Variants in MCRIP2 observed in about 807,000 individuals in gnomAD.
The protein encoded by MCRIP2 is MAPK regulated co-repressor interacting protein 2.
Under a neutral mutation model 23.2 loss-of-function variants are expected in MCRIP2, and 21 were observed. The ratio of observed to expected loss-of-function variants is 0.90; its 90% confidence interval spans 0.64 to 1.30. The LOEUF (loss-of-function observed/expected upper bound fraction) is 1.30. Ranked by LOEUF, MCRIP2 falls within the 50% of genes most tolerant of loss-of-function variation. MCRIP2 has a pLI of 0.00. For synonymous variants in MCRIP2, 121 were observed against 100.2 expected (o/e 1.21, Z -1.24); for missense variants, 234 against 223.2 (o/e 1.05, Z -0.31).
intron 2 of MCRIP2, chr16:645,283 G>A (rs2037452819): frequency 6.6e-6 from 1 of 151,190 alleles, no homozygotes; most frequent in Middle Eastern, 3.4e-3. Context: ...TTGAGACAGA[G>A]TCTTGCTCTG....
Position 642,267 on chromosome 16 carries a change from C to T in MCRIP2, c.182+18C>T. The T allele has an allele frequency of 8.7e-7, 1 of 1,155,302 alleles. No individual in the cohort carries two copies. The allele number at this position is 1,155,302 out of a possible 1,614,324, so 71.6% of individuals were successfully genotyped here. On this transcript the variant is annotated intron_variant, in intron 2 of 4. Transcript: ENST00000307650. Reference sequence around the variant, plus strand: ...CTGTCGAGGTGAGACGCGCGCGGCCCCGGCCCGGCCCGGCCCGGCTTCCCC... The same window carrying T: ...CTGTCGAGGTGAGACGCGCGCGGCCTCGGCCCGGCCCGGCCCGGCTTCCCC...
In MCRIP2 at chr16:642,241, C is replaced by T; in HGVS notation, c.174C>T (p.Pro58=). 1 of 1,206,526 alleles carries T rather than the reference C, an allele frequency of 8.3e-7. No homozygotes were observed. The highest frequency in any genetic ancestry group is 3.5e-5 in the South Asian group (1 of 28,890). The allele number at this position is 1,206,526 out of a possible 1,614,324, so 74.7% of individuals were successfully genotyped here. A position where few individuals can be genotyped will look rare whatever the true frequency, so the allele number is the denominator to read the frequency against. ...TTGCGCAGCCGCCGGGACCCTGGCC[C>T]CTGTCGAGGTGAGACGCGCGCGGCC... The part of the protein sequence containing the change: ...QPFAQPPGPW[P]LSSPGPRLVF... Residue 58 remains proline, a synonymous_variant, in exon 2 of 5, where the codon CCC becomes CCT. Transcript: ENST00000307650.
At chr16:643,779 G>T (rs566075394) in intron 2 of MCRIP2, among the ~76,000 whole-genome samples, 1 of 152,020 alleles carries the variant, frequency 6.6e-6, no homozygotes, top group South Asian at 2.1e-4. Context: ...TGATCCACCC[G>T]CCTCAGCCCC....
rs957846635 is a variant in MCRIP2 at position 647,808 on chromosome 16, G to A, written c.336G>A (p.Leu112=). 1.9e-6 allele frequency: 3 copies of A among 1,574,468 alleles called. No individual in the cohort carries two copies. The highest frequency in any genetic ancestry group is 2.6e-6 in the Non-Finnish European group (3 of 1,160,812). ...SEAWQQVQQQ[L]DGGPAGEGGP... ...CCTGGCAGCAGGTGCAACAGCAGCT[G>A]GATGGTGGCCCAGCCGGTGAGGGCG... Residue 112 remains leucine (L), a synonymous_variant, in exon 4 of 5, where the codon CTG becomes CTA. Transcript: ENST00000307650.
chr16:643,551 T>G (rs1295607442), intron 2 of MCRIP2, among the ~76,000 whole-genome samples: 1 of 145,926 alleles, frequency 6.9e-6, no homozygotes, highest in Admixed American at 6.7e-5. Context: ...TTTTTTTTTT[T>G]TTTTTTTTTT....
rs1232646614 is a variant in MCRIP2 at position 647,642 on chromosome 16, G to A, written c.310+98G>A. 3 of 1,556,630 alleles carry A rather than the reference G, an allele frequency of 1.9e-6. No individual in the cohort carries two copies. In the African/African-American group the frequency reaches 4.1e-5, roughly 21 times the overall value. On this transcript the variant is annotated intron_variant, in intron 3 of 4. Transcript: ENST00000307650. ...TCAAGCTGACCCACAGCCGCTGCAT[G>A]GCTGTGCTTTTCCTTGGCACTCTGC...
At position 642,227 on chromosome 16, in the gene MCRIP2, C is replaced by T. The variant is rs1288629477; in HGVS notation, c.160C>T (p.Pro54Ser). 2 of 1,242,918 alleles carry T rather than the reference C, an allele frequency of 1.6e-6. No homozygotes were observed. Among genetic ancestry groups the T allele is most frequent in the African/African-American group, 1.6e-5 (1 of 63,154 alleles). The allele number at this position is 1,242,918 out of a possible 1,614,324, so 77.0% of individuals were successfully genotyped here. A position where few individuals can be genotyped will look rare whatever the true frequency, so the allele number is the denominator to read the frequency against. The change falls in exon 2 of 5, where the codon CCG becomes TCG. Residue 54 changes from proline to serine, a missense_variant. Physicochemically the swap from Pro to Ser is moderately conservative, Grantham distance 74. Coordinates refer to ENST00000307650, the MANE Select transcript of MCRIP2 (RefSeq NM_138418.4). ...GCGGGCGCAGCCCTTTGCGCAGCCG[C>T]CGGGACCCTGGCCCCTGTCGAGGTG... ...PPRAQPFAQP[P>S]GPWPLSSPGP...
At position 648,471 on chromosome 16, in the gene MCRIP2, T is replaced by C. The variant is rs1288981193; in HGVS notation, c.*281T>C. 1.2e-5 allele frequency: 6 copies of C among 497,826 alleles called. No individual in the cohort carries two copies. The highest frequency in any genetic ancestry group is 2.2e-5 in the Non-Finnish European group (6 of 276,766). 30.8% of individuals were successfully genotyped at this position (497,826 alleles called of 1,614,324 possible). ...CTCCAGGCTAATAAAGTGGAGAAAC[T>C]GTCTTTTTGGAGTGTCTTTGACTTG... On this transcript the variant is annotated 3_prime_UTR_variant, in exon 5 of 5. Transcript: ENST00000307650.
In MCRIP2 at chr16:642,219, C is replaced by A; in HGVS notation, c.152C>A (p.Ala51Glu). The change falls in exon 2 of 5, where the codon GCG becomes GAG. Residue 51 changes from alanine to glutamate, a missense_variant. Transcript: ENST00000307650. ...CAGCCCCCGCGGGCGCAGCCCTTTGCGCAGCCGCCGGGACCCTGGCCCCTG... is the reference window on the plus strand; with the variant it reads ...CAGCCCCCGCGGGCGCAGCCCTTTGAGCAGCCGCCGGGACCCTGGCCCCTG... Reference protein sequence around the residue: ...TSQPPRAQPFAQPPGPWPLSS... With the variant: ...TSQPPRAQPFEQPPGPWPLSS... 2 of 1,262,164 alleles carry A rather than the reference C, an allele frequency of 1.6e-6. No individual in the cohort carries two copies. The highest frequency in any genetic ancestry group is 2.5e-5 in the South Asian group (1 of 40,416). 78.2% of individuals were successfully genotyped at this position (1,262,164 alleles called of 1,614,324 possible).
chr16:648,349 C>G lies in MCRIP2; in HGVS notation c.*159C>G. On this transcript the variant is annotated 3_prime_UTR_variant, in exon 5 of 5. Coordinates refer to ENST00000307650, the MANE Select transcript of MCRIP2 (RefSeq NM_138418.4). The stretch of plus-strand genomic sequence containing the variant: ...TTTTCCCTTGGCCCGGCTGTCCCAA[C>G]CAAGCTGCCATGGCCAAGGGCCGAA... The G allele has an allele frequency of 1.3e-6, 1 of 765,750 alleles. No homozygotes were observed. Among genetic ancestry groups the G allele is most frequent in the South Asian group, 1.7e-5 (1 of 59,872 alleles). The allele number at this position is 765,750 out of a possible 1,614,324, so 47.4% of individuals were successfully genotyped here. A position where few individuals can be genotyped will look rare whatever the true frequency, so the allele number is the denominator to read the frequency against.
At chr16:644,304 C>T (rs573807041) in intron 2 of MCRIP2, among the ~76,000 whole-genome samples, 80 of 152,214 alleles carry the variant, frequency 5.3e-4, no homozygotes, top group African/African-American at 1.8e-3. Flanking sequence ...TGGTCTCAAA[C>T]TCCCTACCTC....
In MCRIP2 at chr16:647,984, A is replaced by C. The variant is rs1024647923; in HGVS notation, c.412+100A>C. The C allele has an allele frequency of 2.8e-4, 315 of 1,109,094 alleles. 2 individuals carry two copies. The highest frequency in any genetic ancestry group is 8.3e-5 in the African/African-American group (5 of 60,502). The allele number at this position is 1,109,094 out of a possible 1,614,324, so 68.7% of individuals were successfully genotyped here. A position where few individuals can be genotyped will look rare whatever the true frequency, so the allele number is the denominator to read the frequency against. On this transcript the variant is annotated intron_variant, in intron 4 of 4. Coordinates refer to ENST00000307650, the MANE Select transcript of MCRIP2 (RefSeq NM_138418.4). ...CCCACCCCAGGGGATGAGGGAGGGG[A>C]CTCTTGTGCAGAAACCCCTTCTTCC...
intron 2 of MCRIP2, among the ~76,000 whole-genome samples, chr16:643,921 A>G (rs762801780): frequency 6.6e-6 from 1 of 152,090 alleles, no homozygotes; most frequent in South Asian, 2.1e-4. Flanking sequence ...CAGTGGGGCT[A>G]GAGGAGCCCT....
rs1272719317 is a variant in MCRIP2, at chr16:648,289, A to C, written c.*99A>C. The C allele has an allele frequency of 2.5e-6, 3 of 1,181,372 alleles. No individual in the cohort carries two copies. Among genetic ancestry groups the C allele is most frequent in the Non-Finnish European group, 3.7e-6 (3 of 821,630 alleles). The allele number at this position is 1,181,372 out of a possible 1,614,324, so 73.2% of individuals were successfully genotyped here. A position where few individuals can be genotyped will look rare whatever the true frequency, so the allele number is the denominator to read the frequency against. The stretch of plus-strand genomic sequence containing the variant: ...CTGCGCCTGGCTGGGTGCCGGCCAC[A>C]CCTGAAGTGCCAGCATTTGGACTTT... On this transcript the variant is annotated 3_prime_UTR_variant, in exon 5 of 5. Coordinates refer to ENST00000307650, the MANE Select transcript of MCRIP2 (RefSeq NM_138418.4).
chr16:641,942 C>T lies in MCRIP2; in HGVS notation c.-50C>T. 7.8e-7 allele frequency: 1 copy of T among 1,279,856 alleles called. No homozygotes were observed. Among genetic ancestry groups the T allele is most frequent in the Non-Finnish European group, 9.9e-7 (1 of 1,014,428 alleles). 79.3% of individuals were successfully genotyped at this position (1,279,856 alleles called of 1,614,324 possible). A position where few individuals can be genotyped will look rare whatever the true frequency, so the allele number is the denominator to read the frequency against. ...AGTCCGTTAAGTGCGAGCCCCGGCG[C>T]AGGGGCCGGATCTGGCCGGGGGCCG... On this transcript the variant is annotated 5_prime_UTR_variant, in exon 1 of 5. Coordinates refer to ENST00000307650, the MANE Select transcript of MCRIP2 (RefSeq NM_138418.4).
Position 641,900 on chromosome 16 carries a change from C to A in MCRIP2, c.-92C>A. On this transcript the variant is annotated 5_prime_UTR_variant, in exon 1 of 5. Transcript: ENST00000307650. Reference sequence around the variant, plus strand: ...CGGGGGCGTGTAGCGGGCCCGCCCCCTCCCCGCGGCGCCCGCAGTCCGTTA... The same window carrying A: ...CGGGGGCGTGTAGCGGGCCCGCCCCATCCCCGCGGCGCCCGCAGTCCGTTA... The A allele has an allele frequency of 1.7e-6, 2 of 1,167,838 alleles. No homozygotes were observed. Among genetic ancestry groups the A allele is most frequent in the Non-Finnish European group, 2.2e-6 (2 of 925,590 alleles). 72.3% of individuals were successfully genotyped at this position (1,167,838 alleles called of 1,614,324 possible).
Position 646,951 on chromosome 16 carries a change from G to T in MCRIP2, c.183-466G>T. The T allele has an allele frequency of 3.2e-5, 5 of 158,464 alleles. No homozygotes were observed. The highest frequency in any genetic ancestry group is 6.2e-5 in the Admixed American group (1 of 16,034). The allele number at this position is 158,464 out of a possible 1,614,324, so 9.8% of individuals were successfully genotyped here. On this transcript the variant is annotated intron_variant, in intron 2 of 4. Transcript: ENST00000307650. This position sits in a 1 kb window ranked among gnomAD's most constrained non-coding sequence, Gnocchi z 6.5. ...CATGGAGGGAAACATCGTGGAGATG[G>T]AGGTGCTTCTGTGGGGCGAGAATGT...
At position 646,454 on chromosome 16, in the gene MCRIP2, C is replaced by A. The variant is rs903446920; in HGVS notation, c.183-963C>A. ...CGGCAGGACCCTGCGCCCCTCAAGACACTCCTCTTTATTTTAGTGCCCCTC... is the reference window on the plus strand; with the variant it reads ...CGGCAGGACCCTGCGCCCCTCAAGAAACTCCTCTTTATTTTAGTGCCCCTC... On this transcript the variant is annotated intron_variant, in intron 2 of 4. Coordinates refer to ENST00000307650, the MANE Select transcript of MCRIP2 (RefSeq NM_138418.4). This position sits in a 1 kb window ranked among gnomAD's most constrained non-coding sequence, Gnocchi z 6.5. The A allele has an allele frequency of 1.3e-5, 2 of 152,242 alleles. No homozygotes were observed. The highest frequency in any genetic ancestry group is 4.8e-5 in the African/African-American group (2 of 41,458). The allele number at this position is 152,242 out of a possible 1,614,324, so 9.4% of individuals were successfully genotyped here.
chr16:646,310 G>A lies in MCRIP2; in HGVS notation c.183-1107G>A, dbSNP rs980089889. 14 of 152,204 alleles carry A rather than the reference G, an allele frequency of 9.2e-5. No homozygotes were observed. The highest frequency in any genetic ancestry group is 3.1e-4 in the African/African-American group (13 of 41,430). 9.4% of individuals were successfully genotyped at this position (152,204 alleles called of 1,614,324 possible). ...TCCAAGTGGACAAACTTTATTCCCTGTGGTTTGTGCAGAAACTCAGGCAGC... is the reference window on the plus strand; with the variant it reads ...TCCAAGTGGACAAACTTTATTCCCTATGGTTTGTGCAGAAACTCAGGCAGC... On this transcript the variant is annotated intron_variant, in intron 2 of 4. Transcript: ENST00000307650. The surrounding 1 kb of genome is among the most constrained non-coding windows in gnomAD (Gnocchi z 6.5).
Sources: allele counts gnomAD v4.1 joint callset (sites outside exome capture counted in the v4.1 genomes callset), GRCh38; gene constraint gnomAD v4.1.1; non-coding constraint Gnocchi (gnomAD v3.1); transcripts MANE v1.5; gene names NCBI Gene and HGNC (gene_info 2026-07-23, HGNC 2026-07-21).